CELF2: variants seen among roughly 807,000 people sequenced by gnomAD.
The protein encoded by CELF2 is CUGBP Elav-like family member 2.
A neutral mutation model predicts 62.6 loss-of-function variants in CELF2; 8 were observed. That is an observed-to-expected ratio of 0.13 (90% CI 0.07 to 0.23). CELF2 has a LOEUF of 0.23. Ranked by LOEUF, CELF2 falls within the 10% of genes least tolerant of loss-of-function variation. The pLI, the probability that CELF2 is intolerant of heterozygous loss-of-function variation, is 1.00. For missense variants in CELF2, 333 were observed against 671.0 expected (o/e 0.50, Z 5.56); for synonymous variants, 258 against 250.0 (o/e 1.03, Z -0.30).
the CELF2 span, among the ~76,000 whole-genome samples, chr10:10,766,377 G>C: frequency 3.9e-5 from 6 of 152,216 alleles, no homozygotes; most frequent in Non-Finnish European, 8.8e-5. Context: ...ATGTGTCTGA[G>C]ATGACTGTAT....
chr10:10,821,848 C>T (rs1248083018), intron 1 of CELF2, among the ~76,000 whole-genome samples: 1 of 152,002 alleles, frequency 6.6e-6, no homozygotes, highest in Non-Finnish European at 1.5e-5. Flanking sequence ...GCTTTTTGGC[C>T]CAGGCTGGTC....
At chr10:10,850,855 G>A (rs193282080) in intron 1 of CELF2, among the ~76,000 whole-genome samples, 12 of 152,006 alleles carry the variant, frequency 7.9e-5, no homozygotes, top group Non-Finnish European at 1.5e-4. Context: ...ACCCAGGCTG[G>A]AGTGCAGTGG....
the CELF2 span, among the ~76,000 whole-genome samples, chr10:10,510,576 C>G: frequency 6.6e-6 from 1 of 152,226 alleles, no homozygotes; most frequent in Non-Finnish European, 1.5e-5. Context: ...CTTATTGGCA[C>G]TGACAGTGTG....
chr10:11,212,566 T>C (rs535884002), intron 2 of CELF2, among the ~76,000 whole-genome samples: 1 of 152,342 alleles, frequency 6.6e-6, no homozygotes, highest in Non-Finnish European at 1.5e-5. Flanking sequence ...CTAGTGGGAC[T>C]GCTAGGCTCT....
chr10:10,565,871 T>G, the CELF2 span, among the ~76,000 whole-genome samples: 1 of 152,232 alleles, frequency 6.6e-6, no homozygotes, highest in South Asian at 2.1e-4. Flanking sequence ...TAATGATGTA[T>G]GATACCTTTA....
At chr10:10,592,188 A>T in the CELF2 span, among the ~76,000 whole-genome samples, 2 of 152,200 alleles carry the variant, frequency 1.3e-5, no homozygotes, top group South Asian at 2.1e-4. Flanking sequence ...GGCAGGAACA[A>T]TCTGTTCATA....
At chr10:10,971,844 C>A (rs576350959) in intron 2 of CELF2, among the ~76,000 whole-genome samples, 1 of 152,338 alleles carries the variant, frequency 6.6e-6, no homozygotes, top group Admixed American at 6.5e-5. Flanking sequence ...ACCTCGATCT[C>A]CCAAAGTGCT....
intron 1 of CELF2, among the ~76,000 whole-genome samples, chr10:10,847,242 G>A (rs1178640497): frequency 6.6e-6 from 1 of 151,920 alleles, no homozygotes; most frequent in Non-Finnish European, 1.5e-5. Context: ...ATAAACAAAA[G>A]TGGAGGATGA....
At chr10:11,181,753 T>G (rs2073463541) in intron 2 of CELF2, among the ~76,000 whole-genome samples, 1 of 152,258 alleles carries the variant, frequency 6.6e-6, no homozygotes, top group Admixed American at 6.5e-5. Context: ...TTTAGTCCAT[T>G]GGTATACATT....
chr10:10,692,029 A>G, the CELF2 span, among the ~76,000 whole-genome samples: 1 of 151,096 alleles, frequency 6.6e-6, no homozygotes, highest in Non-Finnish European at 1.5e-5. Context: ...CCCATTTGTC[A>G]ATTTTGTCTT....
At chr10:10,777,777 TC>T in the CELF2 span, among the ~76,000 whole-genome samples, 2 of 152,118 alleles carry the variant, frequency 1.3e-5, no homozygotes, top group Non-Finnish European at 2.9e-5. Flanking sequence ...CAAACCTGAC[TC>T]CATAGCTCTT....
chr10:10,520,638 G>T, the CELF2 span, among the ~76,000 whole-genome samples: 1 of 152,132 alleles, frequency 6.6e-6, no homozygotes, highest in Admixed American at 6.5e-5. Context: ...GGGAACAGCA[G>T]CCGGAAAGCC....
rs1350885739 is a variant in CELF2, at chr10:11,156,993, A to G, written c.75-8493A>G. Among the ~76,000 whole-genome samples, 4 of 152,158 alleles carry G rather than the reference A, an allele frequency of 2.6e-5. No individual in the cohort carries two copies. The highest frequency in any genetic ancestry group is 5.9e-5 in the Non-Finnish European group (4 of 68,028). On this transcript the variant is annotated intron_variant, in intron 1 of 12. Transcript: ENST00000633077. The surrounding 1 kb of genome is among the most constrained non-coding windows in gnomAD (Gnocchi z 4.3). ...GGATTAGAGTTTAATGGTCAAAATG[A>G]GGGCAGTTATTTTCAAATACTTGAG...
intron 3 of CELF2, among the ~76,000 whole-genome samples, chr10:11,225,138 C>A (rs1363289938): frequency 6.6e-6 from 1 of 151,976 alleles, no homozygotes; most frequent in East Asian, 1.9e-4. Flanking sequence ...TATTTCAGGC[C>A]CGTACCCTCA....
rs986607588 is a variant in CELF2 at position 11,246,188 on chromosome 10, G to A, written c.355-2965G>A. Among the ~76,000 whole-genome samples, 4 of 151,994 alleles carry A rather than the reference G, an allele frequency of 2.6e-5. No homozygotes were observed. Among genetic ancestry groups the A allele is most frequent in the South Asian group, 2.1e-4 (1 of 4,830 alleles). ...TTGTCCCTGTTTTTTATGTGGATGCGTATCGACCGCCATGATAGACTGCAC... is the reference window on the plus strand; with the variant it reads ...TTGTCCCTGTTTTTTATGTGGATGCATATCGACCGCCATGATAGACTGCAC... On this transcript the variant is annotated intron_variant, in intron 3 of 12. Transcript: ENST00000633077. This position sits in a 1 kb window ranked among gnomAD's most constrained non-coding sequence, Gnocchi z 4.6.
intron 2 of CELF2, among the ~76,000 whole-genome samples, chr10:11,182,821 G>A (rs78637191): frequency 2.6e-5 from 4 of 152,074 alleles, no homozygotes; most frequent in South Asian, 4.2e-4. Flanking sequence ...TCAGAAGCTC[G>A]GCATTATTCC....
rs200587407 is a variant in CELF2 at position 10,849,696 on chromosome 10, C to T, written c.53+50879C>T. Reference sequence around the variant, plus strand: ...TATGGTATTATGACACAATCTGGCTCGCTCTCCAATTGTCTCGATAATGTG... The same window carrying T: ...TATGGTATTATGACACAATCTGGCTTGCTCTCCAATTGTCTCGATAATGTG... On this transcript the variant is annotated intron_variant, in intron 1 of 13. Transcript: ENST00000636488. 2.0e-5 allele frequency among the ~76,000 whole-genome samples: 3 copies of T among 152,078 alleles called. No individual in the cohort carries two copies. The East Asian group carries it at 5.8e-4, about 29-fold the overall frequency.
chr10:11,055,378 T>C (rs949831700), intron 1 of CELF2, among the ~76,000 whole-genome samples: 4 of 152,242 alleles, frequency 2.6e-5, no homozygotes, highest in Non-Finnish European at 2.9e-5. Flanking sequence ...CAGATTCCTG[T>C]GTTTCTGAGT....
At chr10:10,847,357 G>A (rs2059081679) in intron 1 of CELF2, among the ~76,000 whole-genome samples, 1 of 152,072 alleles carries the variant, frequency 6.6e-6, no homozygotes, top group Non-Finnish European at 1.5e-5. Context: ...ATGTAAAATA[G>A]TGATGATATC....
Sources: allele counts gnomAD v4.1 joint callset (sites outside exome capture counted in the v4.1 genomes callset), GRCh38; gene constraint gnomAD v4.1.1; non-coding constraint Gnocchi (gnomAD v3.1); transcripts MANE v1.5; gene names NCBI Gene and HGNC (gene_info 2026-07-23, HGNC 2026-07-21).